Variants in ERCC8 observed in about 807,000 individuals in gnomAD.
ERCC8 encodes the protein ERCC excision repair 8, CSA ubiquitin ligase complex subunit, also known as DNA excision repair protein ERCC-8.
In ERCC8, 52 loss-of-function variants were observed where a neutral mutation model predicts 54.9. That is an observed-to-expected ratio of 0.95 (90% confidence interval 0.76 to 1.19). ERCC8 has a LOEUF of 1.19. Among genes scored for constraint, ERCC8 ranks in the 50% most tolerant of loss-of-function variants. The pLI is 0.00. For missense variants in ERCC8, 514 were observed against 466.1 expected, an observed-to-expected ratio of 1.10 and a Z score of -0.95; for synonymous variants, 146 against 157.2, an observed-to-expected ratio of 0.93 and a Z score of 0.53.
chr5:60,871,698 C>T lies in ERCC8; in HGVS notation c.*2917G>A, dbSNP rs942099993. Among the ~76,000 whole-genome samples the T allele has an allele frequency of 1.3e-5, 2 of 152,134 alleles. No homozygotes were observed. The highest frequency in any genetic ancestry group is 4.8e-5 in the African/African-American group (2 of 41,436). On this transcript the variant is annotated 3_prime_UTR_variant, in exon 12 of 12. Transcript: ENST00000676185. ...TGTTGTTTGAATTATTTATAATGAG[C>T]CTATATATCTATATAACTAGAAGTA...
chr5:60,913,755 C>G (rs929535882), intron 4 of ERCC8, among the ~76,000 whole-genome samples: 6 of 152,080 alleles, frequency 3.9e-5, no homozygotes, highest in Non-Finnish European at 5.9e-5. Context: ...CCTCTATATA[C>G]TGCTTTAAAT....
chr5:60,883,062 C>T (rs773905349), intron 11 of ERCC8, among the ~76,000 whole-genome samples: 2 of 151,670 alleles, frequency 1.3e-5, no homozygotes, highest in Non-Finnish European at 2.9e-5. Flanking sequence ...ACTATGGAAG[C>T]CCAGTGTGTA....
intron 1 of ERCC8, among the ~76,000 whole-genome samples, chr5:60,941,119 C>T (rs1750244828): frequency 6.6e-6 from 1 of 152,064 alleles, no homozygotes; most frequent in Non-Finnish European, 1.5e-5. Context: ...AGTTCAGGAC[C>T]AGCCTGGGCA....
chr5:60,927,451 T>A (rs188356916), intron 2 of ERCC8, among the ~76,000 whole-genome samples: 1 of 152,268 alleles, frequency 6.6e-6, no homozygotes, highest in Admixed American at 6.5e-5. Context: ...AAGCGGAAAA[T>A]CACTGTAGCA....
intron 4 of ERCC8, among the ~76,000 whole-genome samples, chr5:60,916,939 GACAA>G (rs965430201): frequency 1.3e-5 from 2 of 152,010 alleles, no homozygotes. Context: ...CAACAAATAA[GACAA>G]ACAAGTATGA....
At position 60,869,512 on chromosome 5, in the gene ERCC8, G is replaced by C. The variant is rs566955215; in HGVS notation, c.*5103C>G. The stretch of plus-strand genomic sequence containing the variant: ...GGTACAGTTTAAGGTTTTGTCTTTA[G>C]AGAATTTTTTAAAGGTTTTAAAATC... On this transcript the variant is annotated 3_prime_UTR_variant, in exon 12 of 12. Transcript: ENST00000676185. Among the ~76,000 whole-genome samples the C allele has an allele frequency of 6.6e-6, 1 of 152,202 alleles. No individual in the cohort carries two copies. The highest frequency in any genetic ancestry group is 1.5e-5 in the Non-Finnish European group (1 of 68,002).
rs1361444783 is a variant in ERCC8 at position 60,872,406 on chromosome 5, A to G, written c.*2209T>C. Among the ~76,000 whole-genome samples, 1 of 152,190 alleles carries G rather than the reference A, an allele frequency of 6.6e-6. No individual in the cohort carries two copies. Among genetic ancestry groups the G allele is most frequent in the East Asian group, 1.9e-4 (1 of 5,204 alleles). On this transcript the variant is annotated 3_prime_UTR_variant, in exon 12 of 12. Transcript: ENST00000676185. Reference sequence around the variant, plus strand: ...AGAAAAAATATTAACTATAGATCTGATAGGGGGTTAATATCCAAAATACAT... The same window carrying G: ...AGAAAAAATATTAACTATAGATCTGGTAGGGGGTTAATATCCAAAATACAT...
intron 6 of ERCC8, 52 bp downstream of exon 6, chr5:60,903,596 T>G (rs1306094861): frequency 1.2e-6 from 2 of 1,609,280 alleles, no homozygotes; most frequent in Admixed American, 3.4e-5. Flanking sequence ...ACGTTTCTTT[T>G]TATTGAATCG....
At position 60,944,972 on chromosome 5, in the gene ERCC8, C is replaced by T; in HGVS notation, c.37G>A (p.Glu13Lys). 2 of 1,614,134 alleles carry T rather than the reference C, an allele frequency of 1.2e-6. No homozygotes were observed. Among genetic ancestry groups the T allele is most frequent in the East Asian group, 2.2e-5 (1 of 44,868 alleles). ...GFLSARQTGL[E>K]DPLRLRRAES... Reference sequence around the variant, plus strand: ...GCTCTCCGAAGGCGAAGAGGGTCCTCCAAACCCGTTTGGCGTGCGGACAAA... The same window carrying T: ...GCTCTCCGAAGGCGAAGAGGGTCCTTCAAACCCGTTTGGCGTGCGGACAAA... Residue 13 changes from glutamate (E) to lysine (K), a missense_variant, in exon 1 of 12, where the codon GAG becomes AAG. Coordinates refer to ENST00000676185, the MANE Select transcript of ERCC8 (RefSeq NM_000082.4).
intron 11 of ERCC8, among the ~76,000 whole-genome samples, chr5:60,887,139 CT>C (rs1447738595): frequency 2.0e-5 from 3 of 152,048 alleles, no homozygotes; most frequent in South Asian, 4.1e-4. Flanking sequence ...ATTTTATGTT[CT>C]TCTTTTGATA....
chr5:60,905,987 G>A (rs1749058859), intron 4 of ERCC8, among the ~76,000 whole-genome samples: 1 of 152,162 alleles, frequency 6.6e-6, no homozygotes, highest in South Asian at 2.1e-4. Context: ...TGGGGCCACA[G>A]GGGCAGTTGG....
At chr5:60,907,823 G>T (rs888021454) in intron 4 of ERCC8, among the ~76,000 whole-genome samples, 15 of 151,940 alleles carry the variant, frequency 9.9e-5, no homozygotes, top group African/African-American at 3.6e-4. Context: ...CCAAACTTTG[G>T]CTATCTCTAA....
intron 5 of ERCC8, among the ~76,000 whole-genome samples, chr5:60,904,401 A>G (rs1460314161): frequency 6.6e-6 from 1 of 151,774 alleles, no homozygotes; most frequent in Non-Finnish European, 1.5e-5. Context: ...CTTAATTTGA[A>G]TCACAATCTT....
At chr5:60,903,850 T>C (rs773715726) in intron 5 of ERCC8, 134 bp from the exon 6 acceptor site, 176 of 829,152 alleles carry the variant, frequency 2.1e-4, no homozygotes, top group Admixed American at 4.6e-4. Flanking sequence ...CAAAATTACA[T>C]TGTCATTTTT....
intron 4 of ERCC8, among the ~76,000 whole-genome samples, chr5:60,905,210 A>C (rs1371457853): frequency 6.6e-6 from 1 of 152,148 alleles, no homozygotes; most frequent in Non-Finnish European, 1.5e-5. Flanking sequence ...ACTGCCTCTC[A>C]GTTCCGTATA....
At chr5:60,884,496 A>G (rs1446270823) in intron 11 of ERCC8, among the ~76,000 whole-genome samples, 2 of 137,370 alleles carry the variant, frequency 1.5e-5, no homozygotes, top group African/African-American at 5.4e-5. Flanking sequence ...AAAAAAAAAG[A>G]CTATGTGTAT....
chr5:60,915,322 G>A (rs376273747), intron 4 of ERCC8: 3 of 151,988 alleles, frequency 2.0e-5, no homozygotes, highest in African/African-American at 7.3e-5. Context: ...GAGAGATTCT[G>A]CGTTATGTTA....
intron 1 of ERCC8, among the ~76,000 whole-genome samples, chr5:60,933,216 C>CTTTTTTTTT (rs143139297): frequency 9.0e-3 from 807 of 89,232 alleles, no homozygotes; most frequent in Non-Finnish European, 0.01. Context: ...CCTTTTTTTT[C>CTTTTTTTTT]TTTTTTTTTT....
intron 1 of ERCC8, among the ~76,000 whole-genome samples, chr5:60,933,045 G>C (rs1178959727): frequency 2.6e-5 from 4 of 152,016 alleles, no homozygotes; most frequent in African/African-American, 9.7e-5. Flanking sequence ...ATGCCAAACT[G>C]ATTGTTAAAT....
Sources: allele counts gnomAD v4.1 joint callset (sites outside exome capture counted in the v4.1 genomes callset), GRCh38; gene constraint gnomAD v4.1.1; transcripts MANE v1.5; gene names NCBI Gene and HGNC (gene_info 2026-07-23, HGNC 2026-07-21).